The following MAP2K6 variants were observed in gnomAD, a reference collection of about 807,000 sequenced individuals.
The protein encoded by MAP2K6 is mitogen-activated protein kinase kinase 6.
In MAP2K6, 16 loss-of-function variants were observed where a neutral mutation model predicts 53.7. That is an observed-to-expected ratio of 0.30 (90% CI 0.20 to 0.45). The LOEUF (loss-of-function observed/expected upper bound fraction) is 0.45. Among genes scored for constraint, MAP2K6 ranks in the 20% least tolerant of loss-of-function variants. The pLI is 1.00. For synonymous variants in MAP2K6, 132 were observed against 143.1 expected, an observed-to-expected ratio of 0.92 and a Z score of 0.55; for missense variants, 204 against 411.9, an observed-to-expected ratio of 0.50 and a Z score of 4.37.
intron 2 of MAP2K6, among the ~76,000 whole-genome samples, chr17:69,514,333 C>G (rs1910027073): frequency 6.6e-6 from 1 of 152,080 alleles, no homozygotes; most frequent in Non-Finnish European, 1.5e-5. Context: ...AAGAAAAATT[C>G]CCTGCTCAGA....
rs1487266557 is a variant in MAP2K6 at position 69,543,185 on chromosome 17, A to G, written c.*1432A>G. ...GGAAAATATAGACCTATGATAAATA[A>G]CCAGGAAGCATTGCTTTTGGACAAG... On this transcript the variant is annotated 3_prime_UTR_variant, in exon 12 of 12. Transcript: ENST00000590474. 6.6e-6 allele frequency: 1 copy of G among 152,192 alleles called. No homozygotes were observed. Among genetic ancestry groups the G allele is most frequent in the Non-Finnish European group, 1.5e-5 (1 of 68,034 alleles). The allele number at this position is 152,192 out of a possible 1,614,324, so 9.4% of individuals were successfully genotyped here. A position where few individuals can be genotyped will look rare whatever the true frequency, so the allele number is the denominator to read the frequency against.
rs114637206 is a variant in MAP2K6 at position 69,482,431 on chromosome 17, C to T, written c.17-23349C>T. Among the ~76,000 whole-genome samples, 963 of 151,994 alleles carry T rather than the reference C, an allele frequency of 6.3e-3. 13 individuals carry two copies. Among genetic ancestry groups the T allele is most frequent in the African/African-American group, 0.021 (870 of 41,512 alleles). ...TATCCACCAGCAACAGTGTGCCTTC[C>T]CCATAACCAACTGATATTACCAGTT... On this transcript the variant is annotated intron_variant, in intron 1 of 11. Coordinates refer to ENST00000590474, the MANE Select transcript of MAP2K6 (RefSeq NM_002758.4).
At chr17:69,443,659 G>A (rs1225032633) in intron 1 of MAP2K6, among the ~76,000 whole-genome samples, 2 of 152,140 alleles carry the variant, frequency 1.3e-5, no homozygotes, top group Non-Finnish European at 2.9e-5. Flanking sequence ...ACTTTCACTT[G>A]TCTTGGGAGC....
intron 1 of MAP2K6, among the ~76,000 whole-genome samples, chr17:69,481,835 G>C (rs1908361126): frequency 6.6e-6 from 1 of 152,112 alleles, no homozygotes; most frequent in Admixed American, 6.5e-5. Flanking sequence ...TGAAGTACTG[G>C]GAGTTAAGAT....
intron 7 of MAP2K6, chr17:69,521,819 A>AAAAC (rs1567853186): frequency 7.0e-6 from 1 of 142,168 alleles, no homozygotes; most frequent in African/African-American, 2.7e-5. Context: ...AAAAAAAAAA[A>AAAAC]AAAAAAAAAA....
rs1340336239 is a variant in MAP2K6, at chr17:69,526,439, C to A, written c.742-131C>A. The stretch of plus-strand genomic sequence containing the variant: ...GAACAAATTATTAGTTTATTTCCTG[C>A]CCCCCTACCCCTGGACTTATACTTG... On this transcript the variant is annotated intron_variant, in intron 9 of 11. Transcript: ENST00000590474. The A allele has an allele frequency of 6.8e-6, 6 of 885,736 alleles. No homozygotes were observed. The East Asian group carries it at 9.9e-5, about 15-fold the overall frequency. 54.9% of individuals were successfully genotyped at this position (885,736 alleles called of 1,614,324 possible).
intron 8 of MAP2K6, 32 bp downstream of exon 8, chr17:69,523,673 A>G: frequency 1.2e-6 from 2 of 1,607,798 alleles, no homozygotes; most frequent in Non-Finnish European, 1.7e-6. Context: ...GCATCTGGTA[A>G]TGTCACTGCC....
chr17:69,423,009 G>GGA (rs1906144094), intron 1 of MAP2K6, among the ~76,000 whole-genome samples: 1 of 152,052 alleles, frequency 6.6e-6, no homozygotes, highest in Admixed American at 6.5e-5. Flanking sequence ...TCAGCCTCCC[G>GGA]AGTAGCTGGG....
intron 1 of MAP2K6, among the ~76,000 whole-genome samples, chr17:69,444,359 A>G (rs756078670): frequency 2.0e-5 from 3 of 152,184 alleles, no homozygotes; most frequent in Non-Finnish European, 4.4e-5. Context: ...TTCTGGGTCA[A>G]TGAGTTTTTT....
At position 69,494,318 on chromosome 17, in the gene MAP2K6, T is replaced by C. The variant is rs902816442; in HGVS notation, c.17-11462T>C. On this transcript the variant is annotated intron_variant, in intron 1 of 11. Transcript: ENST00000590474. The surrounding 1 kb of genome is among the most constrained non-coding windows in gnomAD (Gnocchi z 4.2). Reference sequence around the variant, plus strand: ...TTTGTGACCAGCCTGGCCAACACGGTAAAACCTCATCTCTACTAAAAATAC... The same window carrying C: ...TTTGTGACCAGCCTGGCCAACACGGCAAAACCTCATCTCTACTAAAAATAC... 2.0e-5 allele frequency among the ~76,000 whole-genome samples: 3 copies of C among 151,460 alleles called. No individual in the cohort carries two copies. The highest frequency in any genetic ancestry group is 7.3e-5 in the African/African-American group (3 of 41,200).
intron 1 of MAP2K6, chr17:69,477,508 A>G (rs1213452429): frequency 6.6e-6 from 1 of 152,218 alleles, no homozygotes; most frequent in Admixed American, 6.5e-5. Context: ...CCTGTTTGGA[A>G]GTTGGTTGGA....
intron 1 of MAP2K6, among the ~76,000 whole-genome samples, chr17:69,466,746 C>T (rs968556258): frequency 2.0e-5 from 3 of 152,224 alleles, no homozygotes; most frequent in Non-Finnish European, 2.9e-5. Flanking sequence ...GGAGCAGCCT[C>T]GGTTTCCTCA....
intron 1 of MAP2K6, among the ~76,000 whole-genome samples, chr17:69,467,242 A>G (rs1221254368): frequency 6.6e-6 from 1 of 152,232 alleles, no homozygotes; most frequent in African/African-American, 2.4e-5. Context: ...CCATATATGA[A>G]TAGGTACAAG....
At chr17:69,422,199 T>G (rs944371073) in intron 1 of MAP2K6, among the ~76,000 whole-genome samples, 1 of 129,010 alleles carries the variant, frequency 7.8e-6, no homozygotes, top group Non-Finnish European at 1.6e-5. Flanking sequence ...TGGTGCAACC[T>G]CAGCTCACTG....
intron 1 of MAP2K6, among the ~76,000 whole-genome samples, chr17:69,425,618 A>G (rs888721162): frequency 3.3e-5 from 5 of 152,176 alleles, no homozygotes; most frequent in East Asian, 1.9e-4. Flanking sequence ...GCCTAAACCA[A>G]TGAATTCTTT....
chr17:69,493,899 A>T (rs778942462), intron 1 of MAP2K6, among the ~76,000 whole-genome samples: 1 of 152,166 alleles, frequency 6.6e-6, no homozygotes, highest in Non-Finnish European at 1.5e-5. Flanking sequence ...TTGCTGAGGG[A>T]TTATTTATAT....
At position 69,550,290 on chromosome 17, in the gene MAP2K6, A is replaced by G. The variant is rs1265787747; in HGVS notation, c.*8537A>G. 2.0e-5 allele frequency: 3 copies of G among 152,194 alleles called. No homozygotes were observed. The highest frequency in any genetic ancestry group is 7.2e-5 in the African/African-American group (3 of 41,454). The allele number at this position is 152,194 out of a possible 1,614,324, so 9.4% of individuals were successfully genotyped here. Reference sequence around the variant, plus strand: ...AAAGCATTTTGAGAATATACCCCTCATCCATCAGCCACCTCTGGGTAAAGA... The same window carrying G: ...AAAGCATTTTGAGAATATACCCCTCGTCCATCAGCCACCTCTGGGTAAAGA... On this transcript the variant is annotated 3_prime_UTR_variant, in exon 12 of 12. Coordinates refer to ENST00000590474, the MANE Select transcript of MAP2K6 (RefSeq NM_002758.4).
At chr17:69,463,153 G>T (rs1042503076) in intron 1 of MAP2K6, among the ~76,000 whole-genome samples, 2 of 151,722 alleles carry the variant, frequency 1.3e-5, no homozygotes, top group African/African-American at 4.8e-5. Context: ...CTAAGAAACT[G>T]ATTTGAAGTG....
intron 2 of MAP2K6, among the ~76,000 whole-genome samples, chr17:69,508,683 G>A (rs559670236): frequency 6.6e-6 from 1 of 152,172 alleles, no homozygotes; most frequent in East Asian, 1.9e-4. Context: ...TCATGCTTTT[G>A]ATAATAAGTC....
Sources: allele counts gnomAD v4.1 joint callset (sites outside exome capture counted in the v4.1 genomes callset), GRCh38; gene constraint gnomAD v4.1.1; non-coding constraint Gnocchi (gnomAD v3.1); transcripts MANE v1.5; gene names NCBI Gene and HGNC (gene_info 2026-07-23, HGNC 2026-07-21).